ME2: variants seen among roughly 807,000 people sequenced by gnomAD.
The protein encoded by ME2 is NAD-dependent malic enzyme, mitochondrial.
In ME2, 60 loss-of-function variants were observed where a neutral mutation model predicts 73.7. The ratio of observed to expected loss-of-function variants is 0.81; its 90% CI spans 0.66 to 1.01. The LOEUF (loss-of-function observed/expected upper bound fraction) is 1.01, where lower values mean the gene tolerates loss of function less well. Ranked by LOEUF, ME2 falls within the 50% of genes least tolerant of loss-of-function variation. The pLI is 0.00. For missense variants in ME2, 594 were observed against 705.5 expected (o/e 0.84, Z 1.79); for synonymous variants, 199 against 236.9 (o/e 0.84, Z 1.47).
intron 15 of ME2, among the ~76,000 whole-genome samples, chr18:50,943,187 A>G (rs1408555182): frequency 6.6e-6 from 1 of 152,156 alleles, no homozygotes; most frequent in African/African-American, 2.4e-5. Context: ...TTTCTAGATT[A>G]CTAAGATTTT....
rs1171776745 is a variant in ME2 at position 50,954,140 on chromosome 18, T to C, written c.*6956T>C. 6.6e-6 allele frequency: 1 copy of C among 152,228 alleles called. No individual in the cohort carries two copies. The highest frequency in any genetic ancestry group is 1.5e-5 in the Non-Finnish European group (1 of 68,044). The allele number at this position is 152,228 out of a possible 1,614,324, so 9.4% of individuals were successfully genotyped here. ...TACCAGATTGACTTGTTAAAAATGG[T>C]TCCAAGAATCAGTCTAAAAACTTCA... is the stretch of plus-strand genomic sequence containing the variant. On this transcript the variant is annotated 3_prime_UTR_variant, in exon 16 of 16. Transcript: ENST00000321341.
chr18:50,936,317 CAAAA>C (rs1161234126), intron 13 of ME2, among the ~76,000 whole-genome samples: 1 of 151,652 alleles, frequency 6.6e-6, no homozygotes, highest in Non-Finnish European at 1.5e-5. Flanking sequence ...TTCAGAAAAA[CAAAA>C]AACCGGGGAT....
chr18:50,888,884 T>A (rs1157835133), intron 1 of ME2, among the ~76,000 whole-genome samples: 1 of 152,204 alleles, frequency 6.6e-6, no homozygotes, highest in Non-Finnish European at 1.5e-5. Flanking sequence ...AAATTTTTTT[T>A]AAACTGATGC....
chr18:50,915,548 T>C (rs1048802366), intron 4 of ME2: 3 of 152,202 alleles, frequency 2.0e-5, no homozygotes, highest in East Asian at 1.9e-4. Context: ...CTGGTAAGGC[T>C]TCTGGTCAGT....
At chr18:50,927,578 T>C (rs1917583976) in intron 12 of ME2, among the ~76,000 whole-genome samples, 1 of 151,112 alleles carries the variant, frequency 6.6e-6, no homozygotes, top group Admixed American at 6.6e-5. Context: ...GGCGGGTGCC[T>C]TTAGTCCCAG....
chr18:50,908,706 T>G (rs772776048), intron 3 of ME2, among the ~76,000 whole-genome samples: 11 of 152,120 alleles, frequency 7.2e-5, no homozygotes, highest in Non-Finnish European at 1.3e-4. Flanking sequence ...AGTGGTGCGA[T>G]CTCAGCTTAC....
chr18:50,932,200 C>T (rs1459513397), intron 12 of ME2, 58 bp from the exon 13 acceptor site: 2 of 1,449,898 alleles, frequency 1.4e-6, no homozygotes, highest in South Asian at 1.2e-5. Flanking sequence ...ATGAATTCAC[C>T]TCAATTTTCT....
At chr18:50,917,646 A>T (rs1222989293) in intron 6 of ME2, 138 bp downstream of exon 6, 1 of 482,590 alleles carries the variant, frequency 2.1e-6, no homozygotes, top group Non-Finnish European at 3.4e-6. Context: ...CACTTTTAAT[A>T]TTTATATAAA....
chr18:50,941,160 C>T (rs1242994054), intron 15 of ME2, among the ~76,000 whole-genome samples: 1 of 148,324 alleles, frequency 6.7e-6, no homozygotes, highest in Non-Finnish European at 1.5e-5. Context: ...ACTCTGGAGG[C>T]TGAGGCAGGA....
In ME2 at chr18:50,882,210, G is replaced by A. The variant is rs184023104; in HGVS notation, c.-13+2902G>A. Among the ~76,000 whole-genome samples, 16 of 152,226 alleles carry A rather than the reference G, an allele frequency of 1.1e-4. No homozygotes were observed. The East Asian group carries it at 2.9e-3, about 28-fold the overall frequency. ...GATGGGGTTTTGTCATGTTGCCCGG[G>A]CTGACCTGGAACTCTTGAGCTCAAG... On this transcript the variant is annotated intron_variant, in intron 1 of 15. Transcript: ENST00000321341.
intron 3 of ME2, 89 bp downstream of exon 3, chr18:50,908,285 C>G: frequency 4.3e-6 from 4 of 926,990 alleles, no homozygotes; most frequent in African/African-American, 3.4e-5. Context: ...GAGAAATACA[C>G]AATCTTATAT....
chr18:50,881,026 A>G lies in ME2; in HGVS notation c.-13+1718A>G, dbSNP rs146649332. On this transcript the variant is annotated intron_variant, in intron 1 of 15. Transcript: ENST00000321341. ...GATTTTGGTGAATTTCAGACAAACT[A>G]GACATATTTTATTCTCTTTAAGACG... Among the ~76,000 whole-genome samples the G allele has an allele frequency of 5.5e-3, 833 of 152,286 alleles. 3 individuals carry two copies. The highest frequency in any genetic ancestry group is 8.6e-3 in the Admixed American group (132 of 15,292).
chr18:50,898,329 T>C lies in ME2; in HGVS notation c.108+2401T>C, dbSNP rs555575724. Among the ~76,000 whole-genome samples, 9 of 152,348 alleles carry C rather than the reference T, an allele frequency of 5.9e-5. No homozygotes were observed. The South Asian group carries it at 1.9e-3, about 32-fold the overall frequency. On this transcript the variant is annotated intron_variant, in intron 2 of 15. Coordinates refer to ENST00000321341, the MANE Select transcript of ME2 (RefSeq NM_002396.5). Reference sequence around the variant, plus strand: ...TGACAATTTTAACTATTTAAAAGTATACAATTCAGTGACATTAAATTTATT... The same window carrying C: ...TGACAATTTTAACTATTTAAAAGTACACAATTCAGTGACATTAAATTTATT...
At chr18:50,889,468 G>C (rs548359797) in intron 1 of ME2, among the ~76,000 whole-genome samples, 15 of 152,300 alleles carry the variant, frequency 9.8e-5, no homozygotes, top group African/African-American at 3.6e-4. Flanking sequence ...TGCCCCCAAT[G>C]CCTTGCCCTC....
chr18:50,905,422 A>G (rs546872751), intron 2 of ME2, among the ~76,000 whole-genome samples: 3 of 152,114 alleles, frequency 2.0e-5, no homozygotes, highest in African/African-American at 7.2e-5. Flanking sequence ...ATTTTCATTT[A>G]TTGTACTGTT....
intron 1 of ME2, among the ~76,000 whole-genome samples, chr18:50,884,556 C>T (rs548830684): frequency 4.1e-4 from 63 of 152,234 alleles, no homozygotes; most frequent in Non-Finnish European, 8.8e-5. Flanking sequence ...CCATGTTGAT[C>T]AGGATAGCTT....
rs7233901 is a variant in ME2 at position 50,920,338 on chromosome 18, G to T, written c.735-118G>T. The T allele has an allele frequency of 5.8e-3, 3,822 of 661,618 alleles. 109 individuals are homozygous for T. The African/African-American group carries it at 0.066, about 11-fold the overall frequency. 41.0% of individuals were successfully genotyped at this position (661,618 alleles called of 1,614,324 possible). On this transcript the variant is annotated intron_variant, in intron 7 of 15. Coordinates refer to ENST00000321341, the MANE Select transcript of ME2 (RefSeq NM_002396.5). ...CACAGGCTCTGAAATTTTTCAGATGGCCTTAATTGAACTAACATAATACAT... is the reference window on the plus strand; with the variant it reads ...CACAGGCTCTGAAATTTTTCAGATGTCCTTAATTGAACTAACATAATACAT...
intron 7 of ME2, 61 bp downstream of exon 7, chr18:50,918,274 C>A: frequency 9.1e-7 from 1 of 1,099,738 alleles, no homozygotes. Context: ...GGGTAAGAAC[C>A]AAAGTTTTGT....
At chr18:50,881,525 A>G (rs1916325040) in intron 1 of ME2, among the ~76,000 whole-genome samples, 1 of 152,210 alleles carries the variant, frequency 6.6e-6, no homozygotes, top group Admixed American at 6.5e-5. Flanking sequence ...ACCTCCTTTG[A>G]TCAATATGTA....
Sources: allele counts gnomAD v4.1 joint callset (sites outside exome capture counted in the v4.1 genomes callset), GRCh38; gene constraint gnomAD v4.1.1; transcripts MANE v1.5; gene names NCBI Gene and HGNC (gene_info 2026-07-23, HGNC 2026-07-21).